THSD7B: variants seen among roughly 807,000 people sequenced by gnomAD.
THSD7B encodes the protein thrombospondin type 1 domain containing 7B.
A neutral mutation model predicts 213.6 loss-of-function variants in THSD7B; 138 were observed. That is an observed-to-expected ratio of 0.65 (90% confidence interval 0.56 to 0.74). The LOEUF (loss-of-function observed/expected upper bound fraction) is 0.74, where lower values mean the gene tolerates loss of function less well. Ranked by LOEUF, THSD7B falls within the 30% of genes least tolerant of loss-of-function variation. THSD7B has a pLI of 0.00. For missense variants in THSD7B, 1,931 were observed against 1,991.5 expected, an observed-to-expected ratio of 0.97 and a Z score of 0.58; for synonymous variants, 742 against 687.0, an observed-to-expected ratio of 1.08 and a Z score of -1.25.
chr2:137,055,046 C>T (rs983994259), intron 2 of THSD7B, among the ~76,000 whole-genome samples: 11 of 152,246 alleles, frequency 7.2e-5, no homozygotes, highest in Middle Eastern at 3.4e-3. Flanking sequence ...GTTTTCTATT[C>T]CTGTGTTCGT....
chr2:137,437,165 G>C (rs1245791106), intron 14 of THSD7B, among the ~76,000 whole-genome samples: 1 of 152,100 alleles, frequency 6.6e-6, no homozygotes, highest in Non-Finnish European at 1.5e-5. Flanking sequence ...TCTAATCCCA[G>C]ATGAAATAAT....
chr2:137,469,241 A>T (rs2105090213), intron 15 of THSD7B, among the ~76,000 whole-genome samples: 1 of 152,322 alleles, frequency 6.6e-6, no homozygotes, highest in East Asian at 1.9e-4. Context: ...GAGAAAAATT[A>T]GTCAAGTTAG....
intron 16 of THSD7B, among the ~76,000 whole-genome samples, chr2:137,566,557 T>A (rs1681243033): frequency 1.3e-5 from 2 of 152,198 alleles, no homozygotes; most frequent in Non-Finnish European, 2.9e-5. Context: ...CCCTACATCC[T>A]GCCATGCAGT....
intron 20 of THSD7B, among the ~76,000 whole-genome samples, chr2:137,623,931 C>A (rs1573749739): frequency 6.6e-6 from 1 of 152,150 alleles, no homozygotes; most frequent in Admixed American, 6.5e-5. Flanking sequence ...TCAATGCCAT[C>A]CCTATCAAGC....
At chr2:137,378,740 T>G (rs1300667335) in intron 12 of THSD7B, among the ~76,000 whole-genome samples, 2 of 152,072 alleles carry the variant, frequency 1.3e-5, no homozygotes, top group South Asian at 2.1e-4. Context: ...GATTCCCACC[T>G]CCCCCAACCA....
At chr2:137,462,451 A>G (rs1261381150) in intron 15 of THSD7B, among the ~76,000 whole-genome samples, 2 of 152,104 alleles carry the variant, frequency 1.3e-5, no homozygotes, top group Admixed American at 6.6e-5. Context: ...TGTGCATGCT[A>G]TAGTTCACCA....
intron 12 of THSD7B, among the ~76,000 whole-genome samples, chr2:137,325,492 C>A (rs965096239): frequency 1.3e-5 from 2 of 152,098 alleles, no homozygotes; most frequent in African/African-American, 2.4e-5. Flanking sequence ...AATTATTTAT[C>A]CTTCATCAGC....
At chr2:136,834,881 A>G (rs538589285) in intron 1 of THSD7B, among the ~76,000 whole-genome samples, 1 of 152,360 alleles carries the variant, frequency 6.6e-6, no homozygotes, top group South Asian at 2.1e-4. Context: ...TTAGGTAACA[A>G]TAGAATGGTT....
intron 7 of THSD7B, among the ~76,000 whole-genome samples, chr2:137,224,012 C>T (rs897511205): frequency 1.4e-4 from 22 of 152,160 alleles, no homozygotes; most frequent in African/African-American, 4.1e-4. Context: ...GCCTGTGGAA[C>T]CATGAGCCAA....
rs1680725781 is a variant in THSD7B, at chr2:137,546,430, A to AT, written c.3139-16790dup. Reference sequence around the variant, plus strand: ...TATATATATATTATATATATTATATATATATTATATATATTATATATATAT... The same window carrying AT: ...TATATATATATTATATATATTATATATTATATTATATATATTATATATATAT... On this transcript the variant is annotated intron_variant, in intron 15 of 27. Coordinates refer to ENST00000409968, the MANE Select transcript of THSD7B (RefSeq NM_001316349.2). 5.4e-4 allele frequency among the ~76,000 whole-genome samples: 17 copies of AT among 31,434 alleles called. 3 individuals are homozygous for AT. Among genetic ancestry groups the AT allele is most frequent in the African/African-American group, 3.1e-3 (15 of 4,884 alleles). 20.6% of individuals were successfully genotyped at this position (31,434 alleles called of 152,430 possible).
chr2:137,487,734 T>TAAGGTGTTTAGCTGCAGATTTCCAATCAA (rs1573655780), intron 15 of THSD7B, among the ~76,000 whole-genome samples: 4 of 57,224 alleles, frequency 7.0e-5, no homozygotes, highest in South Asian at 4.8e-4. Context: ...TGAGGTTTCT[T>TAAGGTGTTTAGCTGCAGATTTCCAATCAA]TCTTTTTTTT....
intron 15 of THSD7B, among the ~76,000 whole-genome samples, chr2:137,472,931 A>G (rs6430719): frequency 0.086 from 13,042 of 152,198 alleles, 1,195 homozygotes; most frequent in African/African-American, 0.22. Context: ...GTTAATACAT[A>G]GTATCAAAAA....
chr2:136,917,014 A>G (rs1684361380), intron 2 of THSD7B, among the ~76,000 whole-genome samples: 2 of 152,232 alleles, frequency 1.3e-5, no homozygotes, highest in Non-Finnish European at 2.9e-5. Flanking sequence ...TTATAGAAAT[A>G]CCTAGAAAAA....
chr2:137,281,538 C>A (rs2104818339), intron 12 of THSD7B, among the ~76,000 whole-genome samples: 1 of 151,940 alleles, frequency 6.6e-6, no homozygotes, highest in South Asian at 2.1e-4. Flanking sequence ...AGGTATATCT[C>A]CCAATGCTAT....
At chr2:137,186,025 A>G (rs116272262) in intron 7 of THSD7B, among the ~76,000 whole-genome samples, 1,850 of 152,248 alleles carry the variant, frequency 0.012, 35 homozygotes, top group African/African-American at 0.041. Flanking sequence ...GTCCACTTGT[A>G]TATCTTCTTT....
At chr2:136,812,319 T>A (rs1222132713) in intron 1 of THSD7B, among the ~76,000 whole-genome samples, 1 of 152,238 alleles carries the variant, frequency 6.6e-6, no homozygotes, top group Non-Finnish European at 1.5e-5. Flanking sequence ...TTTAATGGCA[T>A]AGCCACTGAA....
At chr2:136,974,164 A>G (rs1573743179) in intron 2 of THSD7B, among the ~76,000 whole-genome samples, 1 of 152,292 alleles carries the variant, frequency 6.6e-6, no homozygotes, top group South Asian at 2.1e-4. Context: ...AATGCTTTAT[A>G]TATAGTTTGT....
At chr2:137,074,729 G>T (rs959358038) in intron 3 of THSD7B, among the ~76,000 whole-genome samples, 1 of 152,166 alleles carries the variant, frequency 6.6e-6, no homozygotes, top group Non-Finnish European at 1.5e-5. Context: ...GGTTCCGGTT[G>T]TTCCTTTCCA....
intron 1 of THSD7B, among the ~76,000 whole-genome samples, chr2:136,818,962 C>T (rs777732807): frequency 1.9e-4 from 29 of 152,152 alleles, no homozygotes; most frequent in Non-Finnish European, 2.6e-4. Flanking sequence ...TATTTATGCT[C>T]GGGTGAAAGC....
Sources: allele counts gnomAD v4.1 joint callset (sites outside exome capture counted in the v4.1 genomes callset), GRCh38; gene constraint gnomAD v4.1.1; transcripts MANE v1.5; gene names NCBI Gene and HGNC (gene_info 2026-07-23, HGNC 2026-07-21).